DDHD2: variants seen among roughly 807,000 people sequenced by gnomAD.
DDHD2 encodes triacylglycerol hydrolase DDHD2.
A neutral mutation model predicts 91.2 loss-of-function variants in DDHD2; 62 were observed. The observed-to-expected ratio is 0.68, with a 90% CI of 0.55 to 0.84. DDHD2 has a LOEUF of 0.84. DDHD2 is among the 40% of genes least tolerant of loss of function. The probability of loss-of-function intolerance (pLI) is 0.00; values close to 1 mark genes in which losing one functional copy is unlikely to be tolerated. For synonymous variants in DDHD2, 271 were observed against 293.9 expected (o/e 0.92, Z 0.80); for missense variants, 740 against 846.9 (o/e 0.87, Z 1.57).
chr8:38,245,301 A>G (rs1805536521), intron 7 of DDHD2, among the ~76,000 whole-genome samples: 1 of 152,024 alleles, frequency 6.6e-6, no homozygotes, highest in Non-Finnish European at 1.5e-5. Context: ...GCATGGTGGC[A>G]CATGCCTGCA....
Position 38,255,754 on chromosome 8 carries a change from G to A in DDHD2, c.2054+2036G>A, listed in dbSNP as rs890311305. Reference sequence around the variant, plus strand: ...AAATACACCATAATTTATTTAAGCCGTCCTCTACTCATGGACTTTCAGGTT... The same window carrying A: ...AAATACACCATAATTTATTTAAGCCATCCTCTACTCATGGACTTTCAGGTT... On this transcript the variant is annotated intron_variant, in intron 16 of 17. Coordinates refer to ENST00000397166, the MANE Select transcript of DDHD2 (RefSeq NM_015214.3). Among the ~76,000 whole-genome samples the A allele has an allele frequency of 8.6e-5, 13 of 151,110 alleles. No individual in the cohort carries two copies. The South Asian group carries it at 1.3e-3, about 15-fold the overall frequency.
rs1179970028 is a variant in DDHD2, at chr8:38,245,890, C to T, written c.997C>T (p.Leu333Phe). 1.2e-6 allele frequency: 2 copies of T among 1,614,010 alleles called. No individual in the cohort carries two copies. Among genetic ancestry groups the T allele is most frequent in the African/African-American group, 1.3e-5 (1 of 74,924 alleles). Residue 333 changes from leucine to phenylalanine, a missense_variant, in exon 8 of 18, where the codon CTT (leucine) becomes TTT (phenylalanine). By Grantham distance (22) the Leu-to-Phe change is conservative. This residue lies in a region of DDHD2 where 693 missense variants were observed against 764.2 expected (regional missense o/e 0.91). Transcript: ENST00000397166. ...TTCTGAAATGAACCGAATATACACA[C>T]TTTTTCTACAGAGGAACCCTGATTT... The part of the protein sequence containing the change: ...VASEMNRIYT[L>F]FLQRNPDFKG...
chr8:38,261,246 G>GT lies in DDHD2; in HGVS notation c.*674dup, dbSNP rs1440875995. 2.6e-5 allele frequency: 4 copies of GT among 152,208 alleles called. No individual in the cohort carries two copies. The highest frequency in any genetic ancestry group is 5.9e-5 in the Non-Finnish European group (4 of 68,034). The allele number at this position is 152,208 out of a possible 1,614,324, so 9.4% of individuals were successfully genotyped here. A position where few individuals can be genotyped will look rare whatever the true frequency, so the allele number is the denominator to read the frequency against. On this transcript the variant is annotated 3_prime_UTR_variant, in exon 18 of 18. Coordinates refer to ENST00000397166, the MANE Select transcript of DDHD2 (RefSeq NM_015214.3). ...TGTTTTTGCAACTGTTTGAGCTGCT[G>GT]TAAGAGTCTAAAGTTGACAAGTTAG...
intron 6 of DDHD2, 83 bp from the exon 7 acceptor site, chr8:38,242,167 A>G: frequency 9.2e-7 from 1 of 1,092,770 alleles, no homozygotes; most frequent in African/African-American, 1.6e-5. Flanking sequence ...ATGTAGTTAG[A>G]GTATAATTAC....
chr8:38,255,210 AAAAG>A, intron 16 of DDHD2: 2 of 280,636 alleles, frequency 7.1e-6, no homozygotes, highest in Non-Finnish European at 1.4e-5. Flanking sequence ...AAAAAAAAAA[AAAAG>A]CAAGCTCAAA....
At chr8:38,242,199 C>T in intron 6 of DDHD2, 51 bp from the exon 7 acceptor site, 1 of 1,418,548 alleles carries the variant, frequency 7.0e-7, no homozygotes, top group Non-Finnish European at 9.6e-7. Flanking sequence ...CATCCAGATT[C>T]TACAGATTTG....
intron 1 of DDHD2, among the ~76,000 whole-genome samples, chr8:38,232,490 A>G (rs1407041696): frequency 6.6e-6 from 1 of 152,280 alleles, no homozygotes; most frequent in Non-Finnish European, 1.5e-5. Context: ...GGATCCATCA[A>G]AAATGATTGG....
intron 4 of DDHD2, 54 bp from the exon 5 acceptor site, chr8:38,238,035 T>C: frequency 2.0e-6 from 3 of 1,516,186 alleles, no homozygotes; most frequent in Admixed American, 2.2e-5. Flanking sequence ...CTGCATTGTA[T>C]AGAGATGATT....
intron 5 of DDHD2, 169 bp downstream of exon 5, chr8:38,238,378 T>TA: frequency 7.2e-7 from 1 of 1,398,452 alleles, no homozygotes; most frequent in Non-Finnish European, 9.3e-7. Flanking sequence ...AGAATCTTAA[T>TA]AGATGTAAAA....
chr8:38,255,256 GATGAGGA>G (rs1349566061), intron 16 of DDHD2: 1 of 359,794 alleles, frequency 2.8e-6, no homozygotes, highest in Non-Finnish European at 5.3e-6. Context: ...CTTGAATTCT[GATGAGGA>G]ATTATCATCT....
chr8:38,236,785 G>T (rs545604503), intron 3 of DDHD2, among the ~76,000 whole-genome samples: 1 of 152,036 alleles, frequency 6.6e-6, no homozygotes, highest in Non-Finnish European at 1.5e-5. Flanking sequence ...CTTCCAAAGT[G>T]CTGGGATTAT....
At chr8:38,267,480 A>G, downstream of DDHD2, 1 of 1,495,778 alleles carries the variant, frequency 6.7e-7, no homozygotes, top group Non-Finnish European at 9.1e-7. Flanking sequence ...CCTGTTAACT[A>G]TTGGTCAAAT....
At chr8:38,247,558 A>T (rs1805742951) in intron 9 of DDHD2, 155 bp from the exon 10 acceptor site, 1 of 440,948 alleles carries the variant, frequency 2.3e-6, no homozygotes, top group South Asian at 8.8e-5. Context: ...AAGTTGCAAA[A>T]CCTTGGAACC....
At chr8:38,268,046 T>C in intron 1 of DDHD2, 1 of 1,599,756 alleles carries the variant, frequency 6.3e-7, no homozygotes, top group Non-Finnish European at 8.5e-7. Flanking sequence ...CCGTGCTGTT[T>C]CTGAGATGGA....
At chr8:38,245,419 G>T (rs756925211) in intron 7 of DDHD2, among the ~76,000 whole-genome samples, 1 of 149,650 alleles carries the variant, frequency 6.7e-6, no homozygotes, top group Admixed American at 6.7e-5. Flanking sequence ...GCAATAGAGC[G>T]AGAGTCTGTC....
intron 6 of DDHD2, among the ~76,000 whole-genome samples, chr8:38,241,516 G>T (rs1286101100): frequency 6.6e-6 from 1 of 151,806 alleles, no homozygotes; most frequent in Non-Finnish European, 1.5e-5. Flanking sequence ...TGCCTCCCGG[G>T]TTCAAGTGAT....
chr8:38,234,373 C>T (rs1804533818), intron 2 of DDHD2, 21 bp from the exon 3 acceptor site: 1 of 1,526,004 alleles, frequency 6.6e-7, no homozygotes, highest in Non-Finnish European at 8.8e-7. Context: ...TACTTCTTTT[C>T]CCCTTTTCAA....
rs143302362 is a variant in DDHD2 at position 38,246,570 on chromosome 8, G to A, written c.1125+270G>A. 6.3e-3 allele frequency among the ~76,000 whole-genome samples: 963 copies of A among 152,256 alleles called. 5 individuals are homozygous for A. Among genetic ancestry groups the A allele is most frequent in the Non-Finnish European group, 0.01 (692 of 68,024 alleles). Reference sequence around the variant, plus strand: ...TGAATATGCACCACTGGCTGGGCGCGGTGGCTCATGCCTGTAATCTCAGCA... The same window carrying A: ...TGAATATGCACCACTGGCTGGGCGCAGTGGCTCATGCCTGTAATCTCAGCA... On this transcript the variant is annotated intron_variant, in intron 9 of 17. Transcript: ENST00000397166.
intron 1 of DDHD2, chr8:38,268,151 CT>C (rs1326633639): frequency 7.4e-7 from 1 of 1,355,718 alleles, no homozygotes; most frequent in Non-Finnish European, 9.8e-7. Flanking sequence ...AAAGACATTT[CT>C]GAGGTACAAA....
Sources: allele counts gnomAD v4.1 joint callset (sites outside exome capture counted in the v4.1 genomes callset), GRCh38; gene constraint gnomAD v4.1.1; regional missense constraint gnomAD v4.1.1; transcripts MANE v1.5; gene names NCBI Gene and HGNC (gene_info 2026-07-23, HGNC 2026-07-21).